ZNF385D: variants seen among roughly 807,000 people sequenced by gnomAD.
ZNF385D encodes zinc finger protein 385D.
Under a neutral mutation model 35.8 loss-of-function variants are expected in ZNF385D, and 15 were observed. That is an observed-to-expected ratio of 0.42 (90% CI 0.28 to 0.64). ZNF385D has a LOEUF of 0.64. Ranked by LOEUF, ZNF385D falls within the 30% of genes least tolerant of loss-of-function variation. The probability of loss-of-function intolerance (pLI) is 0.23; values close to 1 mark genes in which losing one functional copy is unlikely to be tolerated. For synonymous variants in ZNF385D, 212 were observed against 186.8 expected (o/e 1.13, Z -1.10); for missense variants, 474 against 494.6 (o/e 0.96, Z 0.39).
chr3:22,169,969 G>A (rs1015104858), intron 2 of ZNF385D, among the ~76,000 whole-genome samples: 26 of 152,008 alleles, frequency 1.7e-4, no homozygotes, highest in African/African-American at 4.6e-4. Flanking sequence ...CCAGTAAGAT[G>A]GCAATAATTA....
chr3:22,180,930 T>TTTTTTTTTTTTTA (rs397951144), intron 2 of ZNF385D, among the ~76,000 whole-genome samples: 1 of 149,476 alleles, frequency 6.7e-6, no homozygotes, highest in Non-Finnish European at 1.5e-5. Flanking sequence ...TTTTTTTTTT[T>TTTTTTTTTTTTTA]AAGAGACAGC....
intron 3 of ZNF385D, among the ~76,000 whole-genome samples, chr3:21,773,932 G>T (rs141671371): frequency 6.6e-6 from 1 of 151,986 alleles, no homozygotes; most frequent in Non-Finnish European, 1.5e-5. Flanking sequence ...TACACCCAAA[G>T]GATTATAAAT....
chr3:21,445,605 C>T (rs560698411), intron 4 of ZNF385D, among the ~76,000 whole-genome samples: 1 of 152,278 alleles, frequency 6.6e-6, no homozygotes, highest in African/African-American at 2.4e-5. Flanking sequence ...CTTATCATGT[C>T]AGTGCCTTAA....
chr3:22,088,674 G>A (rs1323227360), intron 3 of ZNF385D, among the ~76,000 whole-genome samples: 2 of 152,014 alleles, frequency 1.3e-5, no homozygotes, highest in African/African-American at 2.4e-5. Context: ...TACATAAGCT[G>A]CAGTGGTAGA....
At chr3:21,765,722 C>CAGAGAGAGACAG (rs149537086) in intron 3 of ZNF385D, among the ~76,000 whole-genome samples, 44,017 of 151,394 alleles carry the variant, frequency 0.29, 7,172 homozygotes, top group East Asian at 0.43. Context: ...CATACACACA[C>CAGAGAGAGACAG]AGAGAGAGAA....
chr3:21,780,480 T>C (rs1271882100), intron 3 of ZNF385D, among the ~76,000 whole-genome samples: 3 of 152,036 alleles, frequency 2.0e-5, no homozygotes. Context: ...GACATGCATC[T>C]GTACTACTTA....
At chr3:21,445,175 T>A (rs1371174713) in intron 4 of ZNF385D, among the ~76,000 whole-genome samples, 1 of 152,208 alleles carries the variant, frequency 6.6e-6, no homozygotes, top group East Asian at 1.9e-4. Flanking sequence ...CTTTCTAGAT[T>A]AAACTGGGAT....
intron 2 of ZNF385D, among the ~76,000 whole-genome samples, chr3:22,209,120 G>C (rs951036397): frequency 1.3e-5 from 2 of 151,806 alleles, no homozygotes; most frequent in Admixed American, 1.3e-4. Flanking sequence ...CATTCAGTAA[G>C]CCCATAATAT....
At chr3:22,329,072 G>C (rs965942156) in intron 2 of ZNF385D, among the ~76,000 whole-genome samples, 1,380 of 84,312 alleles carry the variant, frequency 0.016, 17 homozygotes, top group African/African-American at 0.058. Flanking sequence ...GCGAGACTCC[G>C]TCTCAAAAAA....
chr3:21,730,729 G>A (rs2125485527), intron 1 of ZNF385D, among the ~76,000 whole-genome samples: 1 of 152,334 alleles, frequency 6.6e-6, no homozygotes, highest in African/African-American at 2.4e-5. Flanking sequence ...CTTGCTTATA[G>A]TAGTGTAGCT....
intron 3 of ZNF385D, among the ~76,000 whole-genome samples, chr3:22,030,301 A>ATATATC (rs1553591399): frequency 2.7e-5 from 3 of 110,490 alleles, no homozygotes; most frequent in Non-Finnish European, 3.8e-5. Context: ...ATATATATAT[A>ATATATC]TCCTATTTGG....
chr3:21,795,081 G>T (rs1192269884), intron 3 of ZNF385D, among the ~76,000 whole-genome samples: 1 of 152,146 alleles, frequency 6.6e-6, no homozygotes, highest in Non-Finnish European at 1.5e-5. Context: ...TCAAATTGAA[G>T]AAGTTTTAAT....
chr3:21,788,490 A>G (rs1487134789), intron 3 of ZNF385D, among the ~76,000 whole-genome samples: 1 of 152,134 alleles, frequency 6.6e-6, no homozygotes, highest in Non-Finnish European at 1.5e-5. Flanking sequence ...CCTAGAGACA[A>G]ATGTGACATG....
At chr3:21,715,811 T>A (rs2068296408) in intron 1 of ZNF385D, among the ~76,000 whole-genome samples, 1 of 152,156 alleles carries the variant, frequency 6.6e-6, no homozygotes, top group African/African-American at 2.4e-5. Context: ...TACATTTGCA[T>A]CTCTAGTCTA....
chr3:22,121,556 G>A (rs543996343), intron 3 of ZNF385D, among the ~76,000 whole-genome samples: 10 of 152,092 alleles, frequency 6.6e-5, no homozygotes, highest in African/African-American at 1.7e-4. Flanking sequence ...GATGACTAGC[G>A]TGCACAATGC....
chr3:22,364,746 C>A (rs535857243), intron 2 of ZNF385D, among the ~76,000 whole-genome samples: 1 of 152,058 alleles, frequency 6.6e-6, no homozygotes, highest in East Asian at 1.9e-4. Flanking sequence ...GAATATATTC[C>A]AAAAGGATTG....
At chr3:21,913,875 A>C (rs1468072874) in intron 3 of ZNF385D, among the ~76,000 whole-genome samples, 1 of 152,086 alleles carries the variant, frequency 6.6e-6, no homozygotes, top group Non-Finnish European at 1.5e-5. Flanking sequence ...GTAGTTGTTA[A>C]AATTAGGCAA....
intron 2 of ZNF385D, among the ~76,000 whole-genome samples, chr3:22,322,086 T>C (rs1258000927): frequency 6.6e-6 from 1 of 152,148 alleles, no homozygotes; most frequent in East Asian, 1.9e-4. Flanking sequence ...GTCACCAAAC[T>C]CTGATTAGTG....
At chr3:22,161,751 T>C (rs1203984732) in intron 3 of ZNF385D, among the ~76,000 whole-genome samples, 3 of 152,168 alleles carry the variant, frequency 2.0e-5, no homozygotes, top group African/African-American at 4.8e-5. Flanking sequence ...GTTAGAGTTG[T>C]TGATGAAAAT....
Sources: allele counts gnomAD v4.1 joint callset (sites outside exome capture counted in the v4.1 genomes callset), GRCh38; gene constraint gnomAD v4.1.1; transcripts MANE v1.5; gene names NCBI Gene and HGNC (gene_info 2026-07-23, HGNC 2026-07-21).